Variants in GPC5 observed in about 807,000 individuals in gnomAD.
The protein encoded by GPC5 is glypican 5.
In GPC5, 47 loss-of-function variants were observed where a neutral mutation model predicts 53.9. That is an observed-to-expected ratio of 0.87 (90% CI 0.69 to 1.11). The LOEUF (loss-of-function observed/expected upper bound fraction) is 1.11, where lower values mean the gene tolerates loss of function less well. Ranked by LOEUF, GPC5 falls within the 50% of genes most tolerant of loss-of-function variation. GPC5 has a pLI of 0.00. For missense variants in GPC5, 748 were observed against 713.1 expected (o/e 1.05, Z -0.56); for synonymous variants, 286 against 263.3 (o/e 1.09, Z -0.84).
At chr13:92,247,366 T>C (rs369944149) in intron 7 of GPC5, among the ~76,000 whole-genome samples, 2 of 152,160 alleles carry the variant, frequency 1.3e-5, no homozygotes, top group South Asian at 2.1e-4. Context: ...AACTGTCTTA[T>C]CTAAGACTGA....
At chr13:92,545,170 G>A (rs1882063760) in intron 7 of GPC5, among the ~76,000 whole-genome samples, 1 of 151,860 alleles carries the variant, frequency 6.6e-6, no homozygotes, top group Non-Finnish European at 1.5e-5. Context: ...ACATGTGGTG[G>A]TTGGTTTTTT....
chr13:92,447,929 C>A (rs1877898153), intron 7 of GPC5: 1 of 152,076 alleles, frequency 6.6e-6, no homozygotes, highest in Non-Finnish European at 1.5e-5. Flanking sequence ...TCTTTTCTCC[C>A]AATTTGTTCG....
intron 2 of GPC5, among the ~76,000 whole-genome samples, chr13:91,531,403 T>A (rs1886338115): frequency 6.6e-6 from 1 of 152,196 alleles, no homozygotes; most frequent in East Asian, 1.9e-4. Flanking sequence ...ATGGCAAGCC[T>A]ATTGACTTTC....
intron 5 of GPC5, among the ~76,000 whole-genome samples, chr13:91,843,863 A>T (rs1566298980): frequency 6.6e-6 from 1 of 152,242 alleles, no homozygotes; most frequent in Non-Finnish European, 1.5e-5. Context: ...AACTGGTATA[A>T]GAAGTAAGAG....
At chr13:92,098,969 T>TC (rs1362490382) in intron 6 of GPC5, among the ~76,000 whole-genome samples, 1 of 151,854 alleles carries the variant, frequency 6.6e-6, no homozygotes, top group East Asian at 1.9e-4. Flanking sequence ...TTTTTTTTTT[T>TC]TTGTCATCTA....
intron 7 of GPC5, among the ~76,000 whole-genome samples, chr13:92,149,083 T>C (rs2041888994): frequency 6.6e-6 from 1 of 152,060 alleles, no homozygotes; most frequent in African/African-American, 2.4e-5. Context: ...AAAATGCATC[T>C]GATCACAACT....
At chr13:91,751,429 A>T (rs1045891078) in intron 4 of GPC5, among the ~76,000 whole-genome samples, 3 of 152,240 alleles carry the variant, frequency 2.0e-5, no homozygotes, top group African/African-American at 7.2e-5. Context: ...GTTTCTGTTT[A>T]GAACCTGTGC....
At chr13:92,391,355 G>A (rs933946022) in intron 7 of GPC5, among the ~76,000 whole-genome samples, 6 of 152,078 alleles carry the variant, frequency 3.9e-5, no homozygotes, top group African/African-American at 1.2e-4. Context: ...CAGTCCAACT[G>A]TGAACACAAA....
rs553791203 is a variant in GPC5, at chr13:92,619,370, G to A, written c.1562-246912G>A. 2.6e-5 allele frequency among the ~76,000 whole-genome samples: 4 copies of A among 151,978 alleles called. No homozygotes were observed. In the East Asian group the frequency reaches 7.7e-4, roughly 29 times the overall value. On this transcript the variant is annotated intron_variant, in intron 7 of 7. Transcript: ENST00000377067. ...AATGCATTTATTATTTAAAATAGAA[G>A]AGCAAATTTTAAAGTAACATTTGTT...
At chr13:92,840,489 TGTTTA>T (rs1283177511) in intron 7 of GPC5, among the ~76,000 whole-genome samples, 7 of 152,122 alleles carry the variant, frequency 4.6e-5, no homozygotes, top group Non-Finnish European at 7.4e-5. Context: ...AGGACTACAC[TGTTTA>T]GATTACTGTA....
chr13:91,544,678 G>A (rs1353375914), intron 2 of GPC5, among the ~76,000 whole-genome samples: 1 of 152,128 alleles, frequency 6.6e-6, no homozygotes, highest in East Asian at 1.9e-4. Context: ...ATTTTTGCAT[G>A]ATGTATTTGG....
At chr13:91,771,087 C>A (rs1276193118) in intron 5 of GPC5, among the ~76,000 whole-genome samples, 1 of 152,106 alleles carries the variant, frequency 6.6e-6, no homozygotes, top group African/African-American at 2.4e-5. Flanking sequence ...AAAGGTCACC[C>A]TGCCACTAAA....
At chr13:92,157,725 T>C (rs1030895079) in intron 7 of GPC5, among the ~76,000 whole-genome samples, 2 of 152,348 alleles carry the variant, frequency 1.3e-5, no homozygotes, top group East Asian at 3.9e-4. Flanking sequence ...ATTTTTTGTT[T>C]AATGACCATT....
intron 6 of GPC5, among the ~76,000 whole-genome samples, chr13:91,917,136 G>A (rs925047449): frequency 6.6e-6 from 1 of 152,136 alleles, no homozygotes; most frequent in Non-Finnish European, 1.5e-5. Flanking sequence ...TCAAAAGCAA[G>A]TAGTTACTTC....
At chr13:92,669,528 G>A (rs1886679078) in intron 7 of GPC5, among the ~76,000 whole-genome samples, 1 of 152,164 alleles carries the variant, frequency 6.6e-6, no homozygotes, top group Non-Finnish European at 1.5e-5. Context: ...CCAATGTCAG[G>A]TGGATGCTGC....
intron 6 of GPC5, among the ~76,000 whole-genome samples, chr13:91,946,350 A>C (rs2039974369): frequency 6.6e-6 from 1 of 152,170 alleles, no homozygotes; most frequent in African/African-American, 2.4e-5. Context: ...TAAAATATAA[A>C]AAGGCAATAT....
rs912542783 is a variant in GPC5, at chr13:92,060,412, G to A, written c.1402-84418G>A. On this transcript the variant is annotated intron_variant, in intron 6 of 7. Coordinates refer to ENST00000377067, the MANE Select transcript of GPC5 (RefSeq NM_004466.6). ...AACCATATACAGTACAAAAATGAAG[G>A]ACTTTTTAAAATTCGATTTCCCATT... 5.9e-5 allele frequency among the ~76,000 whole-genome samples: 9 copies of A among 151,842 alleles called. No individual in the cohort carries two copies. In the East Asian group the frequency reaches 1.7e-3, roughly 29 times the overall value.
intron 7 of GPC5, among the ~76,000 whole-genome samples, chr13:92,373,645 T>C (rs1049319038): frequency 1.3e-5 from 2 of 152,228 alleles, no homozygotes; most frequent in Non-Finnish European, 2.9e-5. Context: ...ATATCCCTGA[T>C]AATATTCTGT....
chr13:92,793,519 A>G (rs1876544624), intron 7 of GPC5, among the ~76,000 whole-genome samples: 1 of 152,166 alleles, frequency 6.6e-6, no homozygotes, highest in African/African-American at 2.4e-5. Flanking sequence ...CCAGAAGGCA[A>G]GAAATAACTA....
Sources: allele counts gnomAD v4.1 joint callset (sites outside exome capture counted in the v4.1 genomes callset), GRCh38; gene constraint gnomAD v4.1.1; transcripts MANE v1.5; gene names NCBI Gene and HGNC (gene_info 2026-07-23, HGNC 2026-07-21).